Variants in FCHSD2 observed in about 807,000 individuals in gnomAD.
FCHSD2 encodes FCH and double SH3 domains 2.
FCHSD2 carries 38 observed loss-of-function variants against 108.1 expected under a neutral mutation model. The ratio of observed to expected loss-of-function variants is 0.35; its 90% CI spans 0.27 to 0.46. The LOEUF is 0.46. FCHSD2 is among the 20% of genes least tolerant of loss of function. The pLI is 1.00. For synonymous variants in FCHSD2, 279 were observed against 314.7 expected (o/e 0.89, Z 1.20); for missense variants, 751 against 897.8 (o/e 0.84, Z 2.09).
chr11:73,041,705 A>T (rs1242565007), intron 3 of FCHSD2, among the ~76,000 whole-genome samples: 2 of 152,084 alleles, frequency 1.3e-5, no homozygotes, highest in African/African-American at 4.8e-5. Flanking sequence ...TCTCTTCACT[A>T]TGTTGACTGT....
chr11:72,905,077 A>G (rs946133796), intron 9 of FCHSD2, among the ~76,000 whole-genome samples: 3 of 152,166 alleles, frequency 2.0e-5, no homozygotes, highest in Non-Finnish European at 2.9e-5. Context: ...AGATATGTTC[A>G]TGTCCTAATT....
chr11:72,938,493 C>T (rs933121714), intron 8 of FCHSD2, among the ~76,000 whole-genome samples: 1 of 152,158 alleles, frequency 6.6e-6, no homozygotes, highest in Non-Finnish European at 1.5e-5. Flanking sequence ...CTTCTATTCT[C>T]TTCCTTGCTG....
chr11:73,106,457 T>C (rs1860347314), intron 2 of FCHSD2, among the ~76,000 whole-genome samples: 1 of 151,520 alleles, frequency 6.6e-6, no homozygotes, highest in South Asian at 2.1e-4. Context: ...TTCCTCCAGT[T>C]AGGCTCTTAA....
intron 13 of FCHSD2, among the ~76,000 whole-genome samples, chr11:72,853,404 T>C (rs1433164737): frequency 1.3e-5 from 2 of 152,188 alleles, no homozygotes; most frequent in Non-Finnish European, 2.9e-5. Context: ...AAACACTTTA[T>C]GACACTGGAT....
At chr11:73,043,788 C>CT (rs1565382262) in intron 3 of FCHSD2, among the ~76,000 whole-genome samples, 2 of 152,120 alleles carry the variant, frequency 1.3e-5, no homozygotes, top group Non-Finnish European at 1.5e-5. Flanking sequence ...CACGTACCAT[C>CT]TTTTTTTTCC....
At chr11:73,044,657 T>C (rs1049807837) in intron 3 of FCHSD2, among the ~76,000 whole-genome samples, 7 of 152,184 alleles carry the variant, frequency 4.6e-5, no homozygotes, top group Non-Finnish European at 8.8e-5. Context: ...AGATTAAGCA[T>C]ACATGTGCTA....
At chr11:73,014,914 G>C (rs921165866) in intron 4 of FCHSD2, among the ~76,000 whole-genome samples, 2 of 152,036 alleles carry the variant, frequency 1.3e-5, no homozygotes, top group African/African-American at 4.8e-5. Context: ...CATGATTTCG[G>C]CTCAATGCAA....
intron 3 of FCHSD2, among the ~76,000 whole-genome samples, chr11:73,025,588 G>A (rs1322088351): frequency 4.6e-5 from 7 of 151,910 alleles, no homozygotes; most frequent in Admixed American, 6.6e-5. Context: ...CACAACCCCC[G>A]ATGACACAAG....
At chr11:72,955,102 G>A (rs79329636) in intron 8 of FCHSD2, among the ~76,000 whole-genome samples, 2 of 152,200 alleles carry the variant, frequency 1.3e-5, no homozygotes, top group Non-Finnish European at 2.9e-5. Flanking sequence ...AGAGCGTCAG[G>A]TCTCACAGAC....
intron 10 of FCHSD2, 79 bp from the exon 11 acceptor site, chr11:72,890,024 G>C (rs1381574429): frequency 1.2e-6 from 1 of 826,354 alleles, no homozygotes; most frequent in African/African-American, 1.7e-5. Context: ...TGGATCAGAA[G>C]GCCTTCACTT....
chr11:72,892,067 A>G (rs183602278), intron 10 of FCHSD2, among the ~76,000 whole-genome samples: 1 of 152,348 alleles, frequency 6.6e-6, no homozygotes, highest in Admixed American at 6.5e-5. Context: ...AAAGAGAATG[A>G]ATTTGTAGGG....
intron 8 of FCHSD2, among the ~76,000 whole-genome samples, chr11:72,955,692 G>A (rs1856699220): frequency 1.3e-5 from 2 of 152,134 alleles, no homozygotes; most frequent in South Asian, 4.1e-4. Flanking sequence ...CTCTGTGTCA[G>A]ACACTCCTAT....
chr11:72,898,183 G>A (rs1244714718), intron 10 of FCHSD2, among the ~76,000 whole-genome samples: 1 of 152,138 alleles, frequency 6.6e-6, no homozygotes, highest in Non-Finnish European at 1.5e-5. Context: ...TCAATTGGGT[G>A]TCTTGGACTT....
rs567899906 is a variant in FCHSD2 at position 73,075,796 on chromosome 11, GA to G, written c.165+7898del. On this transcript the variant is annotated intron_variant, in intron 3 of 19. Coordinates refer to ENST00000409418, the MANE Select transcript of FCHSD2 (RefSeq NM_014824.3). ...TACCACTGACAAGACTGTCTCAAAA[GA>G]AAAAAAAAAATCAACAAAGAAAAAA... is the stretch of plus-strand genomic sequence containing the variant. Among the ~76,000 whole-genome samples, 191 of 141,460 alleles carry G rather than the reference GA, an allele frequency of 1.4e-3. No homozygotes were observed. In the Middle Eastern group the frequency reaches 0.029, roughly 21 times the overall value. The allele number at this position is 141,460 out of a possible 152,430, so 92.8% of individuals were successfully genotyped here. A position where few individuals can be genotyped will look rare whatever the true frequency, so the allele number is the denominator to read the frequency against.
chr11:73,054,427 G>A (rs571995302), intron 3 of FCHSD2, among the ~76,000 whole-genome samples: 2 of 152,220 alleles, frequency 1.3e-5, no homozygotes, highest in Admixed American at 1.3e-4. Flanking sequence ...TCCTGTGATA[G>A]GGAATGATGG....
intron 4 of FCHSD2, among the ~76,000 whole-genome samples, chr11:73,008,534 T>C (rs1002033392): frequency 6.6e-6 from 1 of 152,074 alleles, no homozygotes; most frequent in Non-Finnish European, 1.5e-5. Flanking sequence ...GAGGTGTTGA[T>C]AAGAACTGAA....
chr11:72,953,408 CTCTT>C (rs1172706599), intron 8 of FCHSD2, among the ~76,000 whole-genome samples: 1 of 152,124 alleles, frequency 6.6e-6, no homozygotes, highest in African/African-American at 2.4e-5. Context: ...TAAATTCTCT[CTCTT>C]AAGGCCAGTT....
chr11:72,875,336 C>G (rs1017541426), intron 12 of FCHSD2, among the ~76,000 whole-genome samples: 2 of 152,118 alleles, frequency 1.3e-5, no homozygotes, highest in African/African-American at 4.8e-5. Flanking sequence ...TTCTAGGGGT[C>G]AATATTATAA....
intron 3 of FCHSD2, among the ~76,000 whole-genome samples, chr11:73,071,185 C>T (rs1475145508): frequency 6.6e-6 from 1 of 152,220 alleles, no homozygotes; most frequent in Admixed American, 6.5e-5. Flanking sequence ...CTTCTGTCAT[C>T]CTGATCTCTC....
Sources: allele counts gnomAD v4.1 joint callset (sites outside exome capture counted in the v4.1 genomes callset), GRCh38; gene constraint gnomAD v4.1.1; transcripts MANE v1.5; gene names NCBI Gene and HGNC (gene_info 2026-07-23, HGNC 2026-07-21).